TSHZ2: variants seen among roughly 807,000 people sequenced by gnomAD.
TSHZ2 encodes the protein teashirt zinc finger homeobox 2, also known as teashirt homolog 2.
TSHZ2 carries 21 observed loss-of-function variants against 74.4 expected under a neutral mutation model. The observed-to-expected ratio is 0.28, with a 90% CI of 0.20 to 0.41. TSHZ2 has a LOEUF of 0.41. TSHZ2 is among the 10% of genes least tolerant of loss of function. The pLI is 1.00. For missense variants in TSHZ2, 1,244 were observed against 1,293.5 expected, an observed-to-expected ratio of 0.96 and a Z score of 0.59; for synonymous variants, 540 against 515.3, an observed-to-expected ratio of 1.05 and a Z score of -0.65.
chr20:53,101,358 G>T (rs545397242), intron 1 of TSHZ2, among the ~76,000 whole-genome samples: 2 of 152,244 alleles, frequency 1.3e-5, no homozygotes, highest in Non-Finnish European at 2.9e-5. Context: ...AGGGGGGAGT[G>T]ATAGTTCCTA....
intron 1 of TSHZ2, among the ~76,000 whole-genome samples, chr20:53,204,593 C>A (rs1408148725): frequency 6.6e-6 from 1 of 152,014 alleles, no homozygotes; most frequent in Non-Finnish European, 1.5e-5. Flanking sequence ...TGCTTGAAGC[C>A]TTCAGTATCT....
intron 2 of TSHZ2, among the ~76,000 whole-genome samples, chr20:53,273,649 A>G (rs1356331508): frequency 6.6e-6 from 1 of 152,132 alleles, no homozygotes; most frequent in Non-Finnish European, 1.5e-5. Context: ...GAGGGTCAGG[A>G]GTGAAAGCAG....
chr20:53,295,336 C>T (rs144495211), intron 2 of TSHZ2, among the ~76,000 whole-genome samples: 137 of 152,166 alleles, frequency 9.0e-4, no homozygotes, highest in African/African-American at 3.2e-3. Flanking sequence ...TCTGTATGTC[C>T]GTTTTTCCTA....
rs1048944301 is a variant in TSHZ2 at position 53,211,671 on chromosome 20, G to A, written c.41-41828G>A. ...GGAGGCTGCAGTGAGTTACAATTAT[G>A]CCGCTGCATTCCGGCCTGGGTGACA... On this transcript the variant is annotated intron_variant, in intron 1 of 2. Coordinates refer to ENST00000371497, the MANE Select transcript of TSHZ2 (RefSeq NM_173485.6). Among the ~76,000 whole-genome samples the A allele has an allele frequency of 2.6e-5, 4 of 152,148 alleles. No homozygotes were observed. In the South Asian group the frequency reaches 8.3e-4, roughly 31 times the overall value.
At chr20:53,238,026 T>C (rs1453836310) in intron 1 of TSHZ2, among the ~76,000 whole-genome samples, 1 of 152,148 alleles carries the variant, frequency 6.6e-6, no homozygotes, top group East Asian at 1.9e-4. Flanking sequence ...GAAGGGAATA[T>C]TTGCTATCTA....
intron 1 of TSHZ2, among the ~76,000 whole-genome samples, chr20:53,125,353 T>C (rs1287925154): frequency 1.3e-5 from 2 of 152,210 alleles, no homozygotes; most frequent in Middle Eastern, 3.2e-3. Context: ...GCATGTTACT[T>C]ACTCTCTCTG....
intron 1 of TSHZ2, among the ~76,000 whole-genome samples, chr20:53,030,696 A>G (rs1983602704): frequency 6.6e-6 from 1 of 152,262 alleles, no homozygotes; most frequent in Non-Finnish European, 1.5e-5. Context: ...GAATACACAT[A>G]CATTGTAAAG....
At chr20:52,996,944 C>A (rs1197988420) in intron 1 of TSHZ2, among the ~76,000 whole-genome samples, 1 of 152,138 alleles carries the variant, frequency 6.6e-6, no homozygotes, top group Non-Finnish European at 1.5e-5. Context: ...GGTAATTATG[C>A]TTAATAGGAG....
At chr20:53,192,292 TAAAA>T (rs58001328) in intron 1 of TSHZ2, among the ~76,000 whole-genome samples, 143 of 137,046 alleles carry the variant, frequency 1.0e-3, no homozygotes, top group African/African-American at 3.6e-3. Flanking sequence ...CTTCTCTGGC[TAAAA>T]AAAAAAAAAA....
At chr20:53,028,019 G>A (rs1207320889) in intron 1 of TSHZ2, among the ~76,000 whole-genome samples, 1 of 152,140 alleles carries the variant, frequency 6.6e-6, no homozygotes, top group Non-Finnish European at 1.5e-5. Flanking sequence ...TTGCATTGGA[G>A]GAAATGGCAG....
At chr20:53,004,567 G>A (rs1464329108) in intron 1 of TSHZ2, among the ~76,000 whole-genome samples, 1 of 152,140 alleles carries the variant, frequency 6.6e-6, no homozygotes, top group Non-Finnish European at 1.5e-5. Context: ...GTCCAGACCT[G>A]CCGGGAAAAG....
intron 1 of TSHZ2, among the ~76,000 whole-genome samples, chr20:53,018,053 T>C (rs1202743554): frequency 6.6e-6 from 1 of 152,080 alleles, no homozygotes; most frequent in African/African-American, 2.4e-5. Context: ...AACATCACAT[T>C]CAAACTGGTT....
chr20:53,293,479 A>G (rs1600794283), intron 2 of TSHZ2, among the ~76,000 whole-genome samples: 1 of 151,952 alleles, frequency 6.6e-6, no homozygotes. Context: ...AAAAACAAAA[A>G]CAATTAATAC....
At chr20:53,015,454 A>G (rs1228979291) in intron 1 of TSHZ2, among the ~76,000 whole-genome samples, 1 of 152,042 alleles carries the variant, frequency 6.6e-6, no homozygotes, top group Non-Finnish European at 1.5e-5. Flanking sequence ...AACACCCCCA[A>G]CTACCCCTAG....
At chr20:53,241,610 T>C (rs1221014092) in intron 1 of TSHZ2, among the ~76,000 whole-genome samples, 1 of 152,104 alleles carries the variant, frequency 6.6e-6, no homozygotes, top group African/African-American at 2.4e-5. Flanking sequence ...TCCTGAGAAA[T>C]CCAGCTCCAT....
At chr20:53,318,917 A>G (rs370987645) in intron 2 of TSHZ2, among the ~76,000 whole-genome samples, 56 of 152,360 alleles carry the variant, frequency 3.7e-4, no homozygotes, top group African/African-American at 1.3e-3. Flanking sequence ...TCATGGAGAA[A>G]GGCAAAGGAG....
intron 2 of TSHZ2, among the ~76,000 whole-genome samples, chr20:53,293,974 T>C (rs1163380218): frequency 6.6e-6 from 1 of 152,020 alleles, no homozygotes; most frequent in East Asian, 1.9e-4. Context: ...CGAGAGATCA[T>C]GCCACTGCAC....
intron 2 of TSHZ2, among the ~76,000 whole-genome samples, chr20:53,418,095 A>G (rs565977750): frequency 6.6e-6 from 1 of 152,284 alleles, no homozygotes; most frequent in Non-Finnish European, 1.5e-5. Context: ...CTAGGATGGT[A>G]AGGAAAGGTC....
chr20:53,411,835 TA>T (rs1434355324), intron 2 of TSHZ2, among the ~76,000 whole-genome samples: 1 of 151,508 alleles, frequency 6.6e-6, no homozygotes. Context: ...CCTCAAAAAA[TA>T]AAATAAAATA....
Sources: gnomAD v4.1 joint callset for allele counts (sites outside exome capture counted in the v4.1 genomes callset) on GRCh38, gnomAD v4.1.1 for gene constraint, MANE v1.5 for transcripts, NCBI Gene and HGNC (gene_info 2026-07-23, HGNC 2026-07-21) for gene names.